CLIC5: variants seen among roughly 807,000 people sequenced by gnomAD.
The protein encoded by CLIC5 is chloride intracellular channel protein 5.
CLIC5 carries 20 observed loss-of-function variants against 24.7 expected under a neutral mutation model. The observed-to-expected ratio is 0.81, with a 90% CI of 0.57 to 1.18. The LOEUF (loss-of-function observed/expected upper bound fraction) is 1.18, where lower values mean the gene tolerates loss of function less well. Among genes scored for constraint, CLIC5 ranks in the 50% most tolerant of loss-of-function variants. The pLI is 0.00. For missense variants in CLIC5, 341 were observed against 326.1 expected, an observed-to-expected ratio of 1.05 and a Z score of -0.35; for synonymous variants, 159 against 135.6, an observed-to-expected ratio of 1.17 and a Z score of -1.20.
At chr6:46,065,465 T>C (rs1173695703) in intron 1 of CLIC5, among the ~76,000 whole-genome samples, 1 of 151,806 alleles carries the variant, frequency 6.6e-6, no homozygotes, top group African/African-American at 2.4e-5. Context: ...AGCTTACACA[T>C]AAATCTTTAT....
chr6:46,014,322 A>C (rs1766915175), intron 1 of CLIC5: 1 of 151,222 alleles, frequency 6.6e-6, no homozygotes, highest in Non-Finnish European at 1.5e-5. Flanking sequence ...TACTTTTTGC[A>C]AACATCTATT....
At chr6:46,061,394 T>C (rs1451526368) in intron 1 of CLIC5, among the ~76,000 whole-genome samples, 1 of 152,208 alleles carries the variant, frequency 6.6e-6, no homozygotes, top group Non-Finnish European at 1.5e-5. Context: ...GGTTTCACCA[T>C]GTTGGCCAGG....
intron 4 of CLIC5, among the ~76,000 whole-genome samples, chr6:45,915,766 C>T (rs1270320639): frequency 1.3e-5 from 2 of 152,198 alleles, no homozygotes; most frequent in Admixed American, 1.3e-4. Flanking sequence ...GCCATCATCA[C>T]TGAAAATCGT....
In CLIC5 at chr6:46,053,494, T is replaced by A. The variant is rs994914736; in HGVS notation, c.540+26209A>T. On this transcript the variant is annotated intron_variant, in intron 1 of 5. Coordinates refer to the CLIC5 transcript ENST00000185206. ...TGGAAGAGTGATGTGCACAACCTCA[T>A]ATTGCTCAGGCCTATACTGAACAGT... Among the ~76,000 whole-genome samples the A allele has an allele frequency of 2.6e-5, 4 of 152,148 alleles. No individual in the cohort carries two copies. The South Asian group carries it at 6.2e-4, about 24-fold the overall frequency.
rs535043802 is a variant in CLIC5 at position 45,902,774 on chromosome 6, G to A, written c.*314C>T. On this transcript the variant is annotated 3_prime_UTR_variant, in exon 6 of 6. Coordinates refer to ENST00000339561, the MANE Select transcript of CLIC5 (RefSeq NM_016929.5). ...CTGAGAAGGTATTTTGATATTGGCA[G>A]AAGAAGCTAGTGGCAATCCCATATG... The A allele has an allele frequency of 2.4e-4, 82 of 339,846 alleles. No individual in the cohort carries two copies. Among genetic ancestry groups the A allele is most frequent in the Non-Finnish European group, 4.0e-4 (75 of 186,032 alleles). The allele number at this position is 339,846 out of a possible 1,614,324, so 21.1% of individuals were successfully genotyped here.
intron 1 of CLIC5, 62 bp from the exon 2 acceptor site, chr6:45,955,306 T>C (rs1764607848): frequency 1.7e-6 from 2 of 1,200,534 alleles, no homozygotes; most frequent in South Asian, 2.6e-5. Context: ...GAACATAAGA[T>C]TGTAACACCC....
chr6:45,940,903 G>A (rs150509937), intron 4 of CLIC5, among the ~76,000 whole-genome samples: 29 of 152,342 alleles, frequency 1.9e-4, no homozygotes, highest in African/African-American at 7.0e-4. Flanking sequence ...AAAGTGCTGT[G>A]AGCATAACTG....
chr6:45,959,991 C>T (rs1764793821), intron 1 of CLIC5, among the ~76,000 whole-genome samples: 1 of 151,990 alleles, frequency 6.6e-6, no homozygotes, highest in Non-Finnish European at 1.5e-5. Context: ...TGTGCTGAAA[C>T]ACTAGTAAAC....
At chr6:45,998,895 A>C (rs1327831738) in intron 1 of CLIC5, among the ~76,000 whole-genome samples, 1 of 152,210 alleles carries the variant, frequency 6.6e-6, no homozygotes, top group Non-Finnish European at 1.5e-5. Flanking sequence ...ATTTGTTTAC[A>C]TGTTGTCTAC....
chr6:45,970,016 C>T (rs1447501784), intron 1 of CLIC5, among the ~76,000 whole-genome samples: 1 of 152,126 alleles, frequency 6.6e-6, no homozygotes, highest in African/African-American at 2.4e-5. Context: ...TGGCAGAAAG[C>T]ACTCAGTGCA....
intron 6 of CLIC5, among the ~76,000 whole-genome samples, chr6:45,881,519 G>A (rs1762262781): frequency 6.6e-6 from 1 of 152,130 alleles, no homozygotes; most frequent in African/African-American, 2.4e-5. Context: ...AAAGGACAAA[G>A]CTCAGCTGGG....
chr6:46,028,976 C>A (rs912781162), intron 1 of CLIC5, among the ~76,000 whole-genome samples: 1 of 152,148 alleles, frequency 6.6e-6, no homozygotes, highest in Non-Finnish European at 1.5e-5. Context: ...TCATTCCTCC[C>A]CCACCCCCAC....
downstream of CLIC5, among the ~76,000 whole-genome samples, chr6:45,894,255 T>C (rs543104881): frequency 5.6e-4 from 85 of 152,324 alleles, 1 homozygote; most frequent in African/African-American, 2.0e-3. Flanking sequence ...AGAGAGTAAG[T>C]TGGAACAATC....
chr6:46,097,577 C>T, the CLIC5 span, among the ~76,000 whole-genome samples: 1 of 152,164 alleles, frequency 6.6e-6, no homozygotes, highest in Non-Finnish European at 1.5e-5. Context: ...GAGGCTTAAG[C>T]CTCCTGAAGG....
At chr6:46,022,148 A>G (rs992944893) in intron 1 of CLIC5, among the ~76,000 whole-genome samples, 2 of 152,210 alleles carry the variant, frequency 1.3e-5, no homozygotes, top group Admixed American at 6.5e-5. Context: ...GAAATAACAA[A>G]ACAAAATAAA....
chr6:46,073,000 C>T (rs55655028), intron 1 of CLIC5, among the ~76,000 whole-genome samples: 2,883 of 152,258 alleles, frequency 0.019, 74 homozygotes, highest in African/African-American at 0.065. Flanking sequence ...CCTGGATGGA[C>T]AGCCCAATGT....
At chr6:45,940,905 G>A (rs1561950519) in intron 4 of CLIC5, among the ~76,000 whole-genome samples, 2 of 152,232 alleles carry the variant, frequency 1.3e-5, no homozygotes, top group Non-Finnish European at 2.9e-5. Flanking sequence ...AGTGCTGTGA[G>A]CATAACTGGG....
intron 1 of CLIC5, among the ~76,000 whole-genome samples, chr6:46,073,256 A>T (rs1762669489): frequency 6.6e-6 from 1 of 152,178 alleles, no homozygotes; most frequent in Non-Finnish European, 1.5e-5. Context: ...CACACTTTTT[A>T]AACTGGAAAC....
chr6:46,099,986 T>TA, the CLIC5 span, among the ~76,000 whole-genome samples: 15,968 of 142,598 alleles, frequency 0.11, 946 homozygotes, highest in African/African-American at 0.17. Context: ...CATAAGGCCA[T>TA]AAAAAAAAAA....
Sources: gnomAD v4.1 joint callset for allele counts (sites outside exome capture counted in the v4.1 genomes callset) on GRCh38, gnomAD v4.1.1 for gene constraint, MANE v1.5 for transcripts, NCBI Gene and HGNC (gene_info 2026-07-23, HGNC 2026-07-21) for gene names.